THSD7A: variants seen among roughly 807,000 people sequenced by gnomAD.
THSD7A encodes the protein thrombospondin type-1 domain-containing protein 7A.
Under a neutral mutation model 231.3 loss-of-function variants are expected in THSD7A, and 96 were observed. The ratio of observed to expected loss-of-function variants is 0.41; its 90% CI spans 0.35 to 0.49. The LOEUF (loss-of-function observed/expected upper bound fraction) is 0.49. THSD7A is among the 20% of genes least tolerant of loss of function. THSD7A has a pLI of 0.05. For synonymous variants in THSD7A, 940 were observed against 743.3 expected (o/e 1.26, Z -4.30); for missense variants, 2,290 against 2,070.2 (o/e 1.11, Z -2.06).
At chr7:11,396,520 G>C (rs999371960) in intron 23 of THSD7A, among the ~76,000 whole-genome samples, 5 of 152,004 alleles carry the variant, frequency 3.3e-5, no homozygotes, top group Non-Finnish European at 7.4e-5. Flanking sequence ...ACACAAATAA[G>C]CTAGAAAATT....
At chr7:11,494,219 T>C (rs1159924082) in intron 6 of THSD7A, among the ~76,000 whole-genome samples, 1 of 152,078 alleles carries the variant, frequency 6.6e-6, no homozygotes, top group East Asian at 1.9e-4. Flanking sequence ...CAAAACCAAC[T>C]GGTCATGGCC....
chr7:11,812,502 C>A (rs1784560946), intron 1 of THSD7A, among the ~76,000 whole-genome samples: 1 of 152,046 alleles, frequency 6.6e-6, no homozygotes, highest in South Asian at 2.1e-4. Flanking sequence ...GTGAAGGAAA[C>A]TGTAAGAGAA....
chr7:11,445,249 A>G (rs1382959804), intron 13 of THSD7A, among the ~76,000 whole-genome samples: 2 of 152,064 alleles, frequency 1.3e-5, no homozygotes, highest in Non-Finnish European at 1.5e-5. Context: ...AGTATGTGGT[A>G]TCTATGTTTC....
intron 1 of THSD7A, among the ~76,000 whole-genome samples, chr7:11,750,732 T>C (rs1439098810): frequency 6.6e-6 from 1 of 151,974 alleles, no homozygotes; most frequent in Non-Finnish European, 1.5e-5. Flanking sequence ...TACAACTTCA[T>C]TAGAGACCTC....
chr7:11,762,618 T>C (rs544537619), intron 1 of THSD7A, among the ~76,000 whole-genome samples: 1 of 152,290 alleles, frequency 6.6e-6, no homozygotes, highest in East Asian at 1.9e-4. Context: ...TTAAGTTCCT[T>C]ATAAGTTCTG....
At chr7:11,803,690 A>G (rs75268649) in intron 1 of THSD7A, among the ~76,000 whole-genome samples, 8,444 of 152,252 alleles carry the variant, frequency 0.055, 304 homozygotes, top group South Asian at 0.12. Context: ...CTATGGTAAC[A>G]GCGGAATCTT....
intron 4 of THSD7A, among the ~76,000 whole-genome samples, chr7:11,565,811 C>G (rs1168615544): frequency 6.6e-6 from 1 of 152,124 alleles, no homozygotes; most frequent in Non-Finnish European, 1.5e-5. Context: ...AGCAATCACC[C>G]CAATTCCTCC....
chr7:11,557,469 A>AT (rs561018557), intron 4 of THSD7A, among the ~76,000 whole-genome samples: 4 of 151,854 alleles, frequency 2.6e-5, no homozygotes, highest in East Asian at 1.9e-4. Context: ...CTATTTATTT[A>AT]TTTTTTTCGT....
In THSD7A at chr7:11,590,448, A is replaced by C; in HGVS notation, c.1453+12T>G. On this transcript the variant is annotated intron_variant, in intron 4 of 27. Transcript: ENST00000423059. This position sits in a 1 kb window ranked among gnomAD's most constrained non-coding sequence, Gnocchi z 4.4. The stretch of plus-strand genomic sequence containing the variant: ...TTCATAAGTGAATCCTTGAGAAGAA[A>C]GCAAAGGTTACCTTCTTTGTTCTTG... 1 of 1,604,290 alleles carries C rather than the reference A, an allele frequency of 6.2e-7. No individual in the cohort carries two copies. Among genetic ancestry groups the C allele is most frequent in the Non-Finnish European group, 8.5e-7 (1 of 1,174,904 alleles).
At chr7:11,526,057 T>A (rs897638646) in intron 6 of THSD7A, among the ~76,000 whole-genome samples, 2 of 152,190 alleles carry the variant, frequency 1.3e-5, no homozygotes, top group African/African-American at 2.4e-5. Flanking sequence ...CAGCTGTGGT[T>A]GGAGTTCTAC....
chr7:11,506,755 A>G (rs1583868447), intron 6 of THSD7A, among the ~76,000 whole-genome samples: 1 of 152,104 alleles, frequency 6.6e-6, no homozygotes, highest in South Asian at 2.1e-4. Flanking sequence ...CCTCTCTGAT[A>G]TTTGCTTATT....
chr7:11,672,382 T>C (rs1464664050), intron 1 of THSD7A, among the ~76,000 whole-genome samples: 1 of 152,186 alleles, frequency 6.6e-6, no homozygotes, highest in East Asian at 1.9e-4. Flanking sequence ...AATTGTCTAA[T>C]TTGATATCTA....
chr7:11,406,851 C>A lies in THSD7A; in HGVS notation c.4062+59G>T. On this transcript the variant is annotated intron_variant, in intron 21 of 27. Coordinates refer to ENST00000423059, the MANE Select transcript of THSD7A (RefSeq NM_015204.3). The surrounding 1 kb of genome is among the most constrained non-coding windows in gnomAD (Gnocchi z 4.7). ...AACACATTATTTTTATGTTTTTCTG[C>A]AGATGAAGTCTCTGCAGATAGAGTA... is the stretch of plus-strand genomic sequence containing the variant. 6.4e-7 allele frequency: 1 copy of A among 1,559,674 alleles called. No individual in the cohort carries two copies. The highest frequency in any genetic ancestry group is 8.7e-7 in the Non-Finnish European group (1 of 1,149,122).
chr7:11,746,614 C>T (rs149598113), intron 1 of THSD7A, among the ~76,000 whole-genome samples: 2,457 of 151,896 alleles, frequency 0.016, 54 homozygotes, highest in African/African-American at 0.056. Flanking sequence ...GTTTTGTGAA[C>T]AGGTACCCCA....
intron 1 of THSD7A, among the ~76,000 whole-genome samples, chr7:11,802,184 C>G (rs1784295297): frequency 6.6e-6 from 1 of 152,134 alleles, no homozygotes; most frequent in African/African-American, 2.4e-5. Flanking sequence ...AATCCATCTC[C>G]TTTCCAAATC....
intron 1 of THSD7A, among the ~76,000 whole-genome samples, chr7:11,802,355 C>A (rs936523536): frequency 6.6e-6 from 1 of 152,044 alleles, no homozygotes; most frequent in Non-Finnish European, 1.5e-5. Flanking sequence ...TTATTATTTT[C>A]TCATGTGATT....
At chr7:11,388,934 C>G (rs187373963) in intron 23 of THSD7A, among the ~76,000 whole-genome samples, 2 of 152,264 alleles carry the variant, frequency 1.3e-5, no homozygotes, top group Admixed American at 1.3e-4. Flanking sequence ...GTTTCTTAAT[C>G]CTGAGTTCTA....
chr7:11,804,716 G>C (rs60476057), intron 1 of THSD7A, among the ~76,000 whole-genome samples: 1 of 152,120 alleles, frequency 6.6e-6, no homozygotes, highest in African/African-American at 2.4e-5. Flanking sequence ...ATGTAAACCA[G>C]GCTTATGCCA....
chr7:11,721,340 T>G (rs751327277), intron 1 of THSD7A, among the ~76,000 whole-genome samples: 10 of 151,768 alleles, frequency 6.6e-5, no homozygotes, highest in Non-Finnish European at 1.5e-4. Context: ...CTTGCTAATC[T>G]TATGACAGTG....
Sources: gnomAD v4.1 joint callset for allele counts (sites outside exome capture counted in the v4.1 genomes callset) on GRCh38, gnomAD v4.1.1 for gene constraint, Gnocchi (gnomAD v3.1) non-coding constraint, MANE v1.5 for transcripts, NCBI Gene and HGNC (gene_info 2026-07-23, HGNC 2026-07-21) for gene names.